The following COG3 variants were observed in gnomAD, a reference collection of about 807,000 sequenced individuals.
The protein encoded by COG3 is conserved oligomeric Golgi complex subunit 3.
In COG3, 32 loss-of-function variants were observed where a neutral mutation model predicts 114.1. The ratio of observed to expected loss-of-function variants is 0.28; its 90% CI spans 0.21 to 0.38. The LOEUF (loss-of-function observed/expected upper bound fraction) is 0.38. Among genes scored for constraint, COG3 ranks in the 10% least tolerant of loss-of-function variants. The pLI, the probability that COG3 is intolerant of heterozygous loss-of-function variation, is 1.00. For missense variants in COG3, 813 were observed against 973.2 expected (o/e 0.84, Z 2.19); for synonymous variants, 352 against 365.7 (o/e 0.96, Z 0.43).
Position 45,486,566 on chromosome 13 carries a change from C to A in COG3, c.915C>A (p.Pro305=). 6.3e-7 allele frequency: 1 copy of A among 1,597,214 alleles called. No individual in the cohort carries two copies. Among genetic ancestry groups the A allele is most frequent in the South Asian group, 1.1e-5 (1 of 90,692 alleles). ...ATGTGAAATTTCGAGCTGCTGCCCC[C>A]AAAGTCAGAGTAAGTCTATTGACAT... ...LFYVKFRAAA[P]KVRTLIEQIE... is the part of the protein sequence containing the mutation. Residue 305 remains proline, a synonymous_variant, in exon 8 of 23, where the codon CCC becomes CCA. Transcript: ENST00000349995.
intron 1 of COG3, among the ~76,000 whole-genome samples, chr13:45,473,465 A>G (rs1333752797): frequency 6.6e-6 from 1 of 152,106 alleles, no homozygotes; most frequent in Non-Finnish European, 1.5e-5. Flanking sequence ...CCCCCCTTAG[A>G]TATAATCTAA....
intron 1 of COG3, among the ~76,000 whole-genome samples, chr13:45,470,401 A>G (rs560529306): frequency 1.3e-5 from 2 of 152,230 alleles, no homozygotes; most frequent in South Asian, 4.1e-4. Context: ...GGACAGCTCT[A>G]TGTATTATAA....
intron 19 of COG3, among the ~76,000 whole-genome samples, chr13:45,519,722 C>T (rs922056102): frequency 3.9e-5 from 6 of 151,996 alleles, no homozygotes; most frequent in Non-Finnish European, 5.9e-5. Flanking sequence ...GTTGAAGGAA[C>T]GACTTTATTT....
intron 3 of COG3, among the ~76,000 whole-genome samples, 163 bp from the exon 4 acceptor site, chr13:45,479,962 G>C (rs1886144034): frequency 6.6e-6 from 1 of 152,170 alleles, no homozygotes; most frequent in African/African-American, 2.4e-5. Context: ...AACGGTTTAT[G>C]ACATAACTTT....
At chr13:45,503,418 C>A in intron 14 of COG3, 69 bp downstream of exon 14, 3 of 852,026 alleles carry the variant, frequency 3.5e-6, no homozygotes, top group Non-Finnish European at 6.0e-6. Flanking sequence ...GAGGACTTGT[C>A]CTGTCCCAGA....
intron 14 of COG3, among the ~76,000 whole-genome samples, chr13:45,508,757 GT>G (rs1870523223): frequency 6.6e-6 from 1 of 152,084 alleles, no homozygotes; most frequent in Admixed American, 6.5e-5. Context: ...CCTTACAGAG[GT>G]GTCTTTGCTC....
chr13:45,496,185 A>G lies in COG3; in HGVS notation c.1361A>G (p.Lys454Arg), dbSNP rs1185177448. ...CTGGGGGCATTTGCAGCTGGAGTCAAGCAGATGTTAGAAGATGTACAGGAG... is the reference window on the plus strand; with the variant it reads ...CTGGGGGCATTTGCAGCTGGAGTCAGGCAGATGTTAGAAGATGTACAGGAG... Reference protein sequence around the residue: ...EQLGAFAAGVKQMLEDVQERL... With the variant: ...EQLGAFAAGVRQMLEDVQERL... Residue 454 changes from lysine (K) to arginine (R), a missense_variant, in exon 13 of 23, where the codon AAG becomes AGG. Around this residue, in one of 2 missense-constraint regions of COG3, gnomAD observed 389 missense variants for 542.6 expected, o/e 0.72. Transcript: ENST00000349995. The G allele has an allele frequency of 6.2e-7, 1 of 1,610,990 alleles. No homozygotes were observed. Among genetic ancestry groups the G allele is most frequent in the Non-Finnish European group, 8.5e-7 (1 of 1,177,978 alleles).
intron 9 of COG3, 85 bp downstream of exon 9, chr13:45,491,043 AT>A (rs1391942890): frequency 2.5e-5 from 22 of 895,862 alleles, no homozygotes; most frequent in Non-Finnish European, 3.9e-5. Flanking sequence ...CTGATATTTT[AT>A]GAGCAATTGC....
intron 19 of COG3, 138 bp downstream of exon 19, chr13:45,519,232 G>C: frequency 1.0e-6 from 1 of 957,472 alleles, no homozygotes; most frequent in Non-Finnish European, 1.5e-6. Context: ...GGAAATCACT[G>C]TGTTTCCTAT....
rs534561246 is a variant in COG3 at position 45,505,935 on chromosome 13, G to A, written c.1594+2586G>A. ...TTTGGAGACAGGGTCTGGTTCTGTC[G>A]GGCAGGATGGAGTGCAGTGGCATGA... On this transcript the variant is annotated intron_variant, in intron 14 of 22. Coordinates refer to ENST00000349995, the MANE Select transcript of COG3 (RefSeq NM_031431.4). 1.2e-3 allele frequency among the ~76,000 whole-genome samples: 181 copies of A among 152,042 alleles called. 2 individuals are homozygous for A. Among genetic ancestry groups the A allele is most frequent in the African/African-American group, 3.8e-3 (159 of 41,472 alleles).
At chr13:45,495,169 A>C (rs1868614499) in intron 12 of COG3, among the ~76,000 whole-genome samples, 1 of 108,626 alleles carries the variant, frequency 9.2e-6, no homozygotes, top group African/African-American at 3.7e-5. Flanking sequence ...TTTTTTTTAA[A>C]TAGAGATAGG....
chr13:45,514,017 A>T lies in COG3; in HGVS notation c.1810-2126A>T, dbSNP rs1871256206. Among the ~76,000 whole-genome samples, 3 of 152,124 alleles carry T rather than the reference A, an allele frequency of 2.0e-5. No homozygotes were observed. The South Asian group carries it at 6.2e-4, about 31-fold the overall frequency. ...AGTGAAAGCTTTTAGGTGACTATGGATGATTTTTTCTCTCATTCCCTATAC... is the reference window on the plus strand; with the variant it reads ...AGTGAAAGCTTTTAGGTGACTATGGTTGATTTTTTCTCTCATTCCCTATAC... On this transcript the variant is annotated intron_variant, in intron 16 of 22. Transcript: ENST00000349995.
chr13:45,514,980 A>G (rs1020037727), intron 16 of COG3, among the ~76,000 whole-genome samples: 17 of 152,214 alleles, frequency 1.1e-4, no homozygotes, highest in African/African-American at 3.6e-4. Flanking sequence ...AAAAGTGATC[A>G]GTGAAAATGG....
At chr13:45,525,146 A>C in intron 20 of COG3, 95 bp downstream of exon 20, 1 of 1,006,268 alleles carries the variant, frequency 9.9e-7, no homozygotes, top group Non-Finnish European at 1.5e-6. Context: ...TTGGTTTCCT[A>C]TTCACTCTGG....
At chr13:45,510,561 G>A (rs1362892615) in intron 15 of COG3, among the ~76,000 whole-genome samples, 3 of 152,118 alleles carry the variant, frequency 2.0e-5, no homozygotes, top group East Asian at 1.9e-4. Context: ...AGGAAAATAC[G>A]CAGGAGGCAT....
intron 13 of COG3, among the ~76,000 whole-genome samples, chr13:45,500,086 GTGTGTGTGTATATATA>G (rs1869332977): frequency 5.6e-5 from 3 of 53,382 alleles, no homozygotes; most frequent in African/African-American, 1.7e-4. Flanking sequence ...GTGTGTGTGT[GTGTGTGTGTATATATA>G]TATATATATA....
At chr13:45,488,223 GT>G in intron 8 of COG3, among the ~76,000 whole-genome samples, 1 of 152,316 alleles carries the variant, frequency 6.6e-6, no homozygotes, top group African/African-American at 2.4e-5. Context: ...AGAGGCTGGG[GT>G]GGGTTGGGTG....
At chr13:45,528,650 G>A (rs543809784) in intron 20 of COG3, among the ~76,000 whole-genome samples, 1 of 152,096 alleles carries the variant, frequency 6.6e-6, no homozygotes, top group Non-Finnish European at 1.5e-5. Flanking sequence ...CTTTAAAAAT[G>A]TTACCCAAAT....
At chr13:45,478,252 C>T (rs1484388236) in intron 2 of COG3, among the ~76,000 whole-genome samples, 4 of 149,212 alleles carry the variant, frequency 2.7e-5, no homozygotes, top group African/African-American at 5.0e-5. Flanking sequence ...AGTGCAGTGG[C>T]GTGATCTCGG....
Sources: gnomAD v4.1 joint callset for allele counts (sites outside exome capture counted in the v4.1 genomes callset) on GRCh38, gnomAD v4.1.1 for gene constraint, gnomAD v4.1.1 regional missense constraint, MANE v1.5 for transcripts, NCBI Gene and HGNC (gene_info 2026-07-23, HGNC 2026-07-21) for gene names.